Variants in WDR48 observed in about 807,000 individuals in gnomAD.
WDR48 encodes the protein WD repeat-containing protein 48.
WDR48 carries 22 observed loss-of-function variants against 94.0 expected under a neutral mutation model. The ratio of observed to expected loss-of-function variants is 0.23; its 90% CI spans 0.17 to 0.33. The LOEUF (loss-of-function observed/expected upper bound fraction) is 0.33. Ranked by LOEUF, WDR48 falls within the 10% of genes least tolerant of loss-of-function variation. WDR48 has a pLI of 1.00. For missense variants in WDR48, 541 were observed against 813.8 expected (o/e 0.66, Z 4.08); for synonymous variants, 278 against 280.5 (o/e 0.99, Z 0.09).
chr3:39,094,121 G>A, intron 18 of WDR48, 55 bp downstream of exon 18: 1 of 1,563,806 alleles, frequency 6.4e-7, no homozygotes. Flanking sequence ...TGCTCATAAA[G>A]AGTTACATGC....
chr3:39,084,371 A>G (rs1281670605), intron 12 of WDR48, 109 bp downstream of exon 12: 1 of 766,990 alleles, frequency 1.3e-6, no homozygotes, highest in African/African-American at 1.8e-5. Flanking sequence ...TGAAAAAAAA[A>G]ATTTGTGTTA....
intron 17 of WDR48, among the ~76,000 whole-genome samples, chr3:39,092,738 TAC>T (rs2035145364): frequency 6.6e-6 from 1 of 152,150 alleles, no homozygotes; most frequent in Non-Finnish European, 1.5e-5. Flanking sequence ...ACCTTTTTAT[TAC>T]AGAGATTTCC....
Position 39,091,524 on chromosome 3 carries a change from G to A in WDR48, c.1669-101G>A, listed in dbSNP as rs576097129. 2.2e-5 allele frequency: 20 copies of A among 891,948 alleles called. No homozygotes were observed. The East Asian group carries it at 5.1e-4, about 23-fold the overall frequency. The allele number at this position is 891,948 out of a possible 1,614,324, so 55.3% of individuals were successfully genotyped here. A position where few individuals can be genotyped will look rare whatever the true frequency, so the allele number is the denominator to read the frequency against. ...ATTTCATAGAAAGTCACTTTTAATT[G>A]TAAGATAATTATTACTTGCAAGTCA... is the stretch of plus-strand genomic sequence containing the variant. On this transcript the variant is annotated intron_variant, in intron 16 of 18. Transcript: ENST00000302313.
At chr3:39,092,315 C>G (rs1405248908) in intron 17 of WDR48, among the ~76,000 whole-genome samples, 1 of 152,170 alleles carries the variant, frequency 6.6e-6, no homozygotes, top group African/African-American at 2.4e-5. Context: ...TTGGCTGGAG[C>G]TTCCCAGTAA....
At chr3:39,069,191 C>T (rs1254790684) in intron 6 of WDR48, among the ~76,000 whole-genome samples, 1 of 152,066 alleles carries the variant, frequency 6.6e-6, no homozygotes, top group African/African-American at 2.4e-5. Flanking sequence ...CCATGTTGTC[C>T]CTCCAACTCC....
At chr3:39,083,281 G>A (rs1036271982) in intron 11 of WDR48, among the ~76,000 whole-genome samples, 1 of 152,172 alleles carries the variant, frequency 6.6e-6, no homozygotes, top group Non-Finnish European at 1.5e-5. Context: ...TAGAGAAGAT[G>A]TAGGAGTCAG....
At chr3:39,089,451 G>T in intron 16 of WDR48, 133 bp downstream of exon 16, 1 of 680,442 alleles carries the variant, frequency 1.5e-6, no homozygotes, top group Non-Finnish European at 2.3e-6. Flanking sequence ...CTGCTTCCTT[G>T]CAGTTCCAAA....
intron 14 of WDR48, chr3:39,086,507 G>A (rs2034815642): frequency 6.6e-6 from 1 of 152,208 alleles, no homozygotes; most frequent in South Asian, 2.1e-4. Flanking sequence ...TGATGTTCCT[G>A]TCAGAGAGAG....
In WDR48 at chr3:39,068,862, A is replaced by G; in HGVS notation, c.570+3A>G. The stretch of plus-strand genomic sequence containing the variant: ...TTGTATCAGGGTCCACTGAAAAGGT[A>G]AGGAGGAGCTTATTTCTTTATTTAA... On this transcript the variant is annotated splice_donor_region_variant and intron_variant, in intron 6 of 18. Transcript: ENST00000302313. The G allele has an allele frequency of 6.3e-7, 1 of 1,578,966 alleles. No homozygotes were observed. The highest frequency in any genetic ancestry group is 8.6e-7 in the Non-Finnish European group (1 of 1,158,616).
chr3:39,059,845 T>C (rs765398134), intron 1 of WDR48, among the ~76,000 whole-genome samples: 2 of 152,218 alleles, frequency 1.3e-5, no homozygotes, highest in African/African-American at 2.4e-5. Context: ...TCTTGTATTA[T>C]AGGTAAAATA....
chr3:39,096,256 A>G lies in WDR48; in HGVS notation c.*1513A>G, dbSNP rs1369435872. On this transcript the variant is annotated 3_prime_UTR_variant, in exon 19 of 19. Transcript: ENST00000302313. ...GAGCAAAGACGTGGCCACATTTCTA[A>G]TAAGTTGAAATGGTCTTTCTCCCTT... is the stretch of plus-strand genomic sequence containing the variant. The G allele has an allele frequency of 1.3e-5, 2 of 152,200 alleles. No homozygotes were observed. The highest frequency in any genetic ancestry group is 2.4e-5 in the African/African-American group (1 of 41,406). 9.4% of individuals were successfully genotyped at this position (152,200 alleles called of 1,614,324 possible).
At chr3:39,060,568 T>C (rs2033195255) in intron 1 of WDR48, among the ~76,000 whole-genome samples, 2 of 152,236 alleles carry the variant, frequency 1.3e-5, no homozygotes, top group Non-Finnish European at 2.9e-5. Context: ...TTTTGACTTG[T>C]ATTTGGCCAG....
rs564141921 is a variant in WDR48 at position 39,064,464 on chromosome 3, G to A, written c.189+1274G>A. ...TAATTTTTATAATTTTAGTAGAGAC[G>A]GGGTTTCACCATGTGGGTCAGGCTG... is the stretch of plus-strand genomic sequence containing the variant. On this transcript the variant is annotated intron_variant, in intron 2 of 18. Coordinates refer to ENST00000302313, the MANE Select transcript of WDR48 (RefSeq NM_020839.4). Among the ~76,000 whole-genome samples the A allele has an allele frequency of 8.6e-4, 131 of 152,066 alleles. 1 individual carries two copies. The highest frequency in any genetic ancestry group is 3.1e-3 in the African/African-American group (129 of 41,470).
chr3:39,070,422 G>A (rs550089148), intron 7 of WDR48, among the ~76,000 whole-genome samples: 29 of 152,284 alleles, frequency 1.9e-4, no homozygotes, highest in African/African-American at 6.7e-4. Context: ...GGAATTGATT[G>A]TGATAGGGTT....
In WDR48 at chr3:39,074,789, G is replaced by A. The variant is rs758573682; in HGVS notation, c.736G>A (p.Ala246Thr). Residue 246 changes from alanine to threonine, a missense_variant, in exon 8 of 19, where the codon GCA (alanine) becomes ACA (threonine). Physicochemically the swap from Ala to Thr is moderately conservative, Grantham distance 58. Coordinates refer to ENST00000302313, the MANE Select transcript of WDR48 (RefSeq NM_020839.4). ...LWSLGQQRCI[A>T]TYRVHDEGVW... ...GTCCCTTGGCCAGCAGAGATGTATAGCAACATACCGAGTCCATGATGAAGG... is the reference window on the plus strand; with the variant it reads ...GTCCCTTGGCCAGCAGAGATGTATAACAACATACCGAGTCCATGATGAAGG... 2.5e-6 allele frequency: 4 copies of A among 1,614,238 alleles called. No individual in the cohort carries two copies. Among genetic ancestry groups the A allele is most frequent in the Non-Finnish European group, 3.4e-6 (4 of 1,180,032 alleles).
At chr3:39,087,902 A>C in intron 14 of WDR48, 1 of 488,876 alleles carries the variant, frequency 2.0e-6, no homozygotes, top group Middle Eastern at 5.7e-4. Flanking sequence ...TCTTTTATTA[A>C]AATCCTCTAA....
Position 39,068,756 on chromosome 3 carries a change from G to C in WDR48, c.482-15G>C. On this transcript the variant is annotated splice_polypyrimidine_tract_variant and intron_variant, in intron 5 of 18. Coordinates refer to ENST00000302313, the MANE Select transcript of WDR48 (RefSeq NM_020839.4). ...GATGATCTTGTTAACATTTAGCTCC[G>C]TTTATCCTCAATAGCTTCTTCTTTA... The C allele has an allele frequency of 6.3e-7, 1 of 1,592,054 alleles. No homozygotes were observed. Among genetic ancestry groups the C allele is most frequent in the Non-Finnish European group, 8.6e-7 (1 of 1,165,094 alleles).
At chr3:39,052,325 G>A (rs1022621283) in intron 1 of WDR48, 3 of 499,736 alleles carry the variant, frequency 6.0e-6, no homozygotes, top group South Asian at 4.4e-5. Context: ...ATTGCTTGTC[G>A]CCGCTCTTCT....
chr3:39,090,158 A>T (rs1315581829), intron 16 of WDR48: 1 of 152,216 alleles, frequency 6.6e-6, no homozygotes, highest in African/African-American at 2.4e-5. Context: ...GGATACTTCT[A>T]ATCTTTGCTA....
Sources: gnomAD v4.1 joint callset for allele counts (sites outside exome capture counted in the v4.1 genomes callset) on GRCh38, gnomAD v4.1.1 for gene constraint, MANE v1.5 for transcripts, NCBI Gene and HGNC (gene_info 2026-07-23, HGNC 2026-07-21) for gene names.